TRDMT1: variants seen among roughly 807,000 people sequenced by gnomAD.
The protein encoded by TRDMT1 is tRNA aspartic acid methyltransferase 1, also known as tRNA (cytosine(38)-C(5))-methyltransferase.
A neutral mutation model predicts 51.2 loss-of-function variants in TRDMT1; 49 were observed. The observed-to-expected ratio is 0.96, with a 90% CI of 0.76 to 1.21. The LOEUF (loss-of-function observed/expected upper bound fraction) is 1.21, where lower values mean the gene tolerates loss of function less well. Ranked by LOEUF, TRDMT1 falls within the 50% of genes most tolerant of loss-of-function variation. TRDMT1 has a pLI of 0.00. For synonymous variants in TRDMT1, 187 were observed against 164.6 expected, an observed-to-expected ratio of 1.14 and a Z score of -1.04; for missense variants, 534 against 462.3, an observed-to-expected ratio of 1.16 and a Z score of -1.42.
chr10:17,186,049 T>TAACA, intron 1 of TRDMT1, among the ~76,000 whole-genome samples: 1 of 143,076 alleles, frequency 7.0e-6, no homozygotes, highest in African/African-American at 2.6e-5. Context: ...ACTTACAGTA[T>TAACA]AATAAATAAA....
intron 1 of TRDMT1, among the ~76,000 whole-genome samples, chr10:17,184,981 GC>G (rs374013372): frequency 3.3e-5 from 5 of 152,032 alleles, no homozygotes; most frequent in Admixed American, 1.3e-4. Context: ...TTAAATCCTA[GC>G]TTGGCTATTT....
In TRDMT1 at chr10:17,138,284, G is replaced by C. The variant is rs900320630; in HGVS notation, c.*10756C>G. ...TAATGGAAACATTTGTGAATATAAC[G>C]ATCTTTTAACCTTCATGACACTTAA... On this transcript the variant is annotated 3_prime_UTR_variant, in exon 11 of 11. Transcript: ENST00000377799. 1.3e-5 allele frequency among the ~76,000 whole-genome samples: 2 copies of C among 152,102 alleles called. No individual in the cohort carries two copies. Among genetic ancestry groups the C allele is most frequent in the African/African-American group, 4.8e-5 (2 of 41,402 alleles).
At chr10:17,167,501 G>A (rs567242931) in intron 3 of TRDMT1, among the ~76,000 whole-genome samples, 1 of 152,230 alleles carries the variant, frequency 6.6e-6, no homozygotes, top group South Asian at 2.1e-4. Flanking sequence ...CAGACACTTA[G>A]AGGATTACTA....
intron 1 of TRDMT1, among the ~76,000 whole-genome samples, chr10:17,176,020 T>G (rs888990940): frequency 6.6e-6 from 1 of 152,194 alleles, no homozygotes; most frequent in African/African-American, 2.4e-5. Context: ...GGCCTTAGTA[T>G]AAAATAAATT....
rs79446397 is a variant in TRDMT1 at position 17,201,018 on chromosome 10, G to A, written c.64+553C>T. Among the ~76,000 whole-genome samples, 775 of 152,312 alleles carry A rather than the reference G, an allele frequency of 5.1e-3. 8 individuals carry two copies. The highest frequency in any genetic ancestry group is 0.018 in the African/African-American group (731 of 41,554). On this transcript the variant is annotated intron_variant, in intron 1 of 10. Transcript: ENST00000377799. ...TCTGGCATCTAAACGCAGAACTACA[G>A]AAGACACGTTTCTTTCCAACGATCA...
rs1838017184 is a variant in TRDMT1, at chr10:17,145,357, T to C, written c.*3683A>G. 1.0e-6 allele frequency: 1 copy of C among 985,262 alleles called. No individual in the cohort carries two copies. Among genetic ancestry groups the C allele is most frequent in the Admixed American group, 6.2e-5 (1 of 16,254 alleles). 61.0% of individuals were successfully genotyped at this position (985,262 alleles called of 1,614,324 possible). On this transcript the variant is annotated 3_prime_UTR_variant, in exon 11 of 11. Transcript: ENST00000377799. The stretch of plus-strand genomic sequence containing the variant: ...TGGGTGTGACAGAGGTCCAGAAAAG[T>C]GCTTGCTAAGAAGCTGATATGATAG...
intron 3 of TRDMT1, among the ~76,000 whole-genome samples, chr10:17,168,005 TTATAAA>T (rs1841441654): frequency 6.6e-6 from 1 of 152,190 alleles, no homozygotes; most frequent in South Asian, 2.1e-4. Flanking sequence ...TAATGCTTAA[TTATAAA>T]TATGAATGGA....
intron 1 of TRDMT1, among the ~76,000 whole-genome samples, chr10:17,184,788 T>C (rs1450239259): frequency 6.6e-6 from 1 of 152,204 alleles, no homozygotes; most frequent in Non-Finnish European, 1.5e-5. Context: ...CAAATCTTTT[T>C]CCACTAAGCC....
chr10:17,177,452 T>C (rs988383578), intron 1 of TRDMT1, among the ~76,000 whole-genome samples: 2 of 152,134 alleles, frequency 1.3e-5, no homozygotes, highest in African/African-American at 4.8e-5. Flanking sequence ...TCTGCCTGCC[T>C]CAGCCTTCCA....
At chr10:17,153,718 G>A (rs1340528994) in intron 9 of TRDMT1, 82 bp from the exon 10 acceptor site, 75 of 1,398,504 alleles carry the variant, frequency 5.4e-5, no homozygotes, top group Non-Finnish European at 6.3e-5. Flanking sequence ...GTTGAAACTC[G>A]ATGGACATAC....
At chr10:17,152,757 G>A (rs1564556617) in intron 10 of TRDMT1, among the ~76,000 whole-genome samples, 2 of 152,164 alleles carry the variant, frequency 1.3e-5, no homozygotes, top group African/African-American at 4.8e-5. Flanking sequence ...CCAAAGCAGT[G>A]TGTCCAATCT....
At position 17,159,237 on chromosome 10, in the gene TRDMT1, C is replaced by A; in HGVS notation, c.460-8G>T. On this transcript the variant is annotated splice_region_variant and splice_polypyrimidine_tract_variant and intron_variant, in intron 6 of 10. Coordinates refer to ENST00000377799, the MANE Select transcript of TRDMT1 (RefSeq NM_004412.7). ...TGAATTTGGAATGCCAAGCTGTAAG[C>A]AAAGCAAAGCAGTTAGTTACTCTAA... 1.3e-6 allele frequency: 2 copies of A among 1,583,516 alleles called. No individual in the cohort carries two copies. Among genetic ancestry groups the A allele is most frequent in the Admixed American group, 1.8e-5 (1 of 54,850 alleles).
intron 1 of TRDMT1, among the ~76,000 whole-genome samples, chr10:17,176,687 A>C (rs73606315): frequency 0.054 from 8,176 of 152,230 alleles, 688 homozygotes; most frequent in African/African-American, 0.19. Context: ...CTCAAAATAG[A>C]ATTGGGGGGT....
At chr10:17,167,172 A>G (rs1376133079) in intron 3 of TRDMT1, among the ~76,000 whole-genome samples, 1 of 152,198 alleles carries the variant, frequency 6.6e-6, no homozygotes, top group Admixed American at 6.5e-5. Context: ...ATCAAAAATA[A>G]TGCCTGGCTT....
At chr10:17,162,089 A>G in intron 4 of TRDMT1, 77 bp downstream of exon 4, 1 of 1,333,194 alleles carries the variant, frequency 7.5e-7, no homozygotes, top group Non-Finnish European at 1.1e-6. Flanking sequence ...ATCCTCTACA[A>G]AATGACAAAC....
Position 17,145,430 on chromosome 10 carries a change from A to T in TRDMT1, c.*3610T>A. The T allele has an allele frequency of 1.0e-6, 1 of 985,418 alleles. No individual in the cohort carries two copies. Among genetic ancestry groups the T allele is most frequent in the Non-Finnish European group, 1.2e-6 (1 of 829,930 alleles). 61.0% of individuals were successfully genotyped at this position (985,418 alleles called of 1,614,324 possible). ...GTAGATGGAAGAGATTAACTAGTAG[A>T]CAGAGGTCCAAAGGCCATGTCTTTA... On this transcript the variant is annotated 3_prime_UTR_variant, in exon 11 of 11. Transcript: ENST00000377799.
At chr10:17,152,143 G>A (rs1237275671) in intron 10 of TRDMT1, 2 of 1,216,558 alleles carry the variant, frequency 1.6e-6, no homozygotes, top group Non-Finnish European at 2.2e-6. Flanking sequence ...AGCAGACTAG[G>A]AATGAGAATT....
In TRDMT1 at chr10:17,145,451, C is replaced by A; in HGVS notation, c.*3589G>T. On this transcript the variant is annotated 3_prime_UTR_variant, in exon 11 of 11. Coordinates refer to ENST00000377799, the MANE Select transcript of TRDMT1 (RefSeq NM_004412.7). ...GTAGACAGAGGTCCAAAGGCCATGT[C>A]TTTAAAAATTATATAATCTCAATGC... 1 of 985,324 alleles carries A rather than the reference C, an allele frequency of 1.0e-6. No homozygotes were observed. The highest frequency in any genetic ancestry group is 1.2e-6 in the Non-Finnish European group (1 of 829,918). The allele number at this position is 985,324 out of a possible 1,614,324, so 61.0% of individuals were successfully genotyped here. A position where few individuals can be genotyped will look rare whatever the true frequency, so the allele number is the denominator to read the frequency against.
chr10:17,151,459 T>A, intron 10 of TRDMT1: 1 of 970,390 alleles, frequency 1.0e-6, no homozygotes, highest in Non-Finnish European at 1.2e-6. Flanking sequence ...TCATTGCCAG[T>A]AGACAAACAG....
Sources: allele counts gnomAD v4.1 joint callset (sites outside exome capture counted in the v4.1 genomes callset), GRCh38; gene constraint gnomAD v4.1.1; transcripts MANE v1.5; gene names NCBI Gene and HGNC (gene_info 2026-07-23, HGNC 2026-07-21).